Variants in SLC38A9 observed in about 807,000 individuals in gnomAD.
The protein encoded by SLC38A9 is solute carrier family 38 member 9, also known as neutral amino acid transporter 9.
A neutral mutation model predicts 62.3 loss-of-function variants in SLC38A9; 48 were observed. That is an observed-to-expected ratio of 0.77 (90% CI 0.61 to 0.98). The LOEUF (loss-of-function observed/expected upper bound fraction) is 0.98, where lower values mean the gene tolerates loss of function less well. Among genes scored for constraint, SLC38A9 ranks in the 50% least tolerant of loss-of-function variants. The probability of loss-of-function intolerance (pLI) is 0.00; values close to 1 mark genes in which losing one functional copy is unlikely to be tolerated. For missense variants in SLC38A9, 541 were observed against 679.8 expected (o/e 0.80, Z 2.27); for synonymous variants, 204 against 227.7 (o/e 0.90, Z 0.94).
Position 55,697,987 on chromosome 5 carries a change from T to C in SLC38A9, c.-29A>G. On this transcript the variant is annotated 5_prime_UTR_variant, in exon 3 of 16. Transcript: ENST00000396865. ...TCTCACACTCTAAGCACTGAAGAAG[T>C]TAGTCCTACACAAAGAAGATAAATA... 1.8e-6 allele frequency: 2 copies of C among 1,123,064 alleles called. No homozygotes were observed. The highest frequency in any genetic ancestry group is 2.0e-4 in the Middle Eastern group (1 of 5,122). The allele number at this position is 1,123,064 out of a possible 1,614,324, so 69.6% of individuals were successfully genotyped here.
At chr5:55,671,480 G>A (rs983350499) in intron 4 of SLC38A9, among the ~76,000 whole-genome samples, 1 of 148,866 alleles carries the variant, frequency 6.7e-6, no homozygotes, top group African/African-American at 2.5e-5. Context: ...ATATTTATGT[G>A]TACATATTTC....
intron 3 of SLC38A9, among the ~76,000 whole-genome samples, chr5:55,676,109 T>A (rs1419980144): frequency 6.6e-6 from 1 of 152,242 alleles, no homozygotes; most frequent in Admixed American, 6.5e-5. Context: ...GGAGAACTTT[T>A]AGGTTACTGC....
In SLC38A9 at chr5:55,633,301, C is replaced by G. The variant is rs568325231; in HGVS notation, c.1430+453G>C. On this transcript the variant is annotated intron_variant, in intron 14 of 15. Coordinates refer to ENST00000396865, the MANE Select transcript of SLC38A9 (RefSeq NM_173514.4). ...GGATTACAGGCATGAGCCACTGAGC[C>G]GGGCCCTTTTTGCCTATTAATCTGC... 3 of 153,400 alleles carry G rather than the reference C, an allele frequency of 2.0e-5. No homozygotes were observed. The South Asian group carries it at 6.1e-4, about 31-fold the overall frequency. The allele number at this position is 153,400 out of a possible 1,614,324, so 9.5% of individuals were successfully genotyped here.
intron 10 of SLC38A9, among the ~76,000 whole-genome samples, chr5:55,651,911 G>A (rs1319947434): frequency 6.7e-6 from 1 of 149,620 alleles, no homozygotes; most frequent in Non-Finnish European, 1.5e-5. Flanking sequence ...AGAAAATGAG[G>A]AAGAATTGTT....
intron 8 of SLC38A9, among the ~76,000 whole-genome samples, chr5:55,662,537 G>A (rs1290566160): frequency 6.6e-6 from 1 of 151,994 alleles, no homozygotes; most frequent in Non-Finnish European, 1.5e-5. Flanking sequence ...GGGTGTGGTG[G>A]TGCACGCCTA....
At position 55,626,360 on chromosome 5, in the gene SLC38A9, T is replaced by A; in HGVS notation, c.*134A>T. 2 of 823,628 alleles carry A rather than the reference T, an allele frequency of 2.4e-6. No individual in the cohort carries two copies. Among genetic ancestry groups the A allele is most frequent in the Non-Finnish European group, 3.7e-6 (2 of 540,038 alleles). 51.0% of individuals were successfully genotyped at this position (823,628 alleles called of 1,614,324 possible). A position where few individuals can be genotyped will look rare whatever the true frequency, so the allele number is the denominator to read the frequency against. Reference sequence around the variant, plus strand: ...AAAAATACTCATTAAGGGGCCACTATTTCCCTTGCTTTCAAATTATCTTAG... The same window carrying A: ...AAAAATACTCATTAAGGGGCCACTAATTCCCTTGCTTTCAAATTATCTTAG... On this transcript the variant is annotated 3_prime_UTR_variant, in exon 16 of 16. Transcript: ENST00000396865.
At chr5:55,670,946 T>G (rs574250497) in intron 4 of SLC38A9, among the ~76,000 whole-genome samples, 48 of 152,324 alleles carry the variant, frequency 3.2e-4, no homozygotes, top group Middle Eastern at 3.4e-3. Context: ...ATTTTGGCCA[T>G]ACAAGAGGAA....
intron 8 of SLC38A9, among the ~76,000 whole-genome samples, chr5:55,662,473 C>T (rs569166689): frequency 2.6e-4 from 39 of 152,126 alleles, no homozygotes; most frequent in Non-Finnish European, 4.9e-4. Flanking sequence ...AGATCGAGAC[C>T]ATCCTGGCCA....
At chr5:55,709,338 G>C (rs1757697675) in intron 2 of SLC38A9, among the ~76,000 whole-genome samples, 1 of 151,542 alleles carries the variant, frequency 6.6e-6, no homozygotes, top group Non-Finnish European at 1.5e-5. Flanking sequence ...ATTTAAGTAT[G>C]TTACAAAATG....
At chr5:55,707,496 C>T (rs1208260818) in intron 2 of SLC38A9, among the ~76,000 whole-genome samples, 4 of 152,142 alleles carry the variant, frequency 2.6e-5, no homozygotes, top group African/African-American at 4.8e-5. Flanking sequence ...GTGGCACACA[C>T]GTGTAGTCCC....
intron 8 of SLC38A9, among the ~76,000 whole-genome samples, chr5:55,659,826 C>T (rs1158786225): frequency 6.6e-6 from 1 of 151,916 alleles, no homozygotes; most frequent in Admixed American, 6.6e-5. Context: ...AGTGCAGTGG[C>T]ACGGTCTCCG....
intron 3 of SLC38A9, among the ~76,000 whole-genome samples, chr5:55,683,872 C>T (rs1753385710): frequency 6.6e-6 from 1 of 152,112 alleles, no homozygotes; most frequent in African/African-American, 2.4e-5. Context: ...TCCCTTTGTG[C>T]AATGTGCATA....
At chr5:55,679,086 TTA>T (rs1752638610) in intron 3 of SLC38A9, among the ~76,000 whole-genome samples, 1 of 93,922 alleles carries the variant, frequency 1.1e-5, no homozygotes, top group African/African-American at 3.2e-5. Flanking sequence ...AAAGTTAATT[TTA>T]TCAAGATTAT....
chr5:55,645,938 G>C (rs1429737495), intron 11 of SLC38A9, 43 bp from the exon 12 acceptor site: 5 of 1,334,634 alleles, frequency 3.7e-6, no homozygotes, highest in Middle Eastern at 1.8e-4. Context: ...CTGACAATTA[G>C]AAAATGAGTA....
chr5:55,649,383 AT>A, intron 10 of SLC38A9, 69 bp from the exon 11 acceptor site: 1 of 957,138 alleles, frequency 1.0e-6, no homozygotes, highest in Non-Finnish European at 1.5e-6. Context: ...AAAATCAAGC[AT>A]TGTTTCCATA....
intron 8 of SLC38A9, among the ~76,000 whole-genome samples, chr5:55,663,749 AAAT>A (rs1260385562): frequency 6.6e-6 from 1 of 152,120 alleles, no homozygotes; most frequent in African/African-American, 2.4e-5. Flanking sequence ...ACCTCTCAAA[AAAT>A]AAAAATGCTT....
intron 11 of SLC38A9, 36 bp from the exon 12 acceptor site, chr5:55,645,931 A>T (rs765706531): frequency 7.1e-7 from 1 of 1,403,524 alleles, no homozygotes; most frequent in Non-Finnish European, 9.9e-7. Flanking sequence ...ATTAAAACTG[A>T]CAATTAGAAA....
At chr5:55,711,148 C>A (rs929156011) in intron 2 of SLC38A9, among the ~76,000 whole-genome samples, 1 of 151,390 alleles carries the variant, frequency 6.6e-6, no homozygotes, top group Admixed American at 6.6e-5. Flanking sequence ...CAAAAATTAG[C>A]GGGGCGTGGT....
Position 55,626,648 on chromosome 5 carries a change from G to A in SLC38A9, c.1532C>T (p.Ala511Val). 2 of 1,597,516 alleles carry A rather than the reference G, an allele frequency of 1.3e-6. No individual in the cohort carries two copies. The highest frequency in any genetic ancestry group is 1.7e-6 in the Non-Finnish European group (2 of 1,174,754). The change falls in exon 16 of 16, where the codon GCA (alanine) becomes GTA (valine). Residue 511 changes from alanine to valine, a missense_variant. Coordinates refer to ENST00000396865, the MANE Select transcript of SLC38A9 (RefSeq NM_173514.4). ...NIGGIIRYSGAACGLAFVFIY... is the reference protein window; with the variant it reads ...NIGGIIRYSGVACGLAFVFIY... Reference sequence around the variant, plus strand: ...GAATACAAAGGCCAGTCCACATGCTGCTCCTGAATATCTGCAAAATAAAAG... The same window carrying A: ...GAATACAAAGGCCAGTCCACATGCTACTCCTGAATATCTGCAAAATAAAAG...
Sources: allele counts gnomAD v4.1 joint callset (sites outside exome capture counted in the v4.1 genomes callset), GRCh38; gene constraint gnomAD v4.1.1; transcripts MANE v1.5; gene names NCBI Gene and HGNC (gene_info 2026-07-23, HGNC 2026-07-21).